PDE11A: variants seen among roughly 807,000 people sequenced by gnomAD.
PDE11A encodes phosphodiesterase 11A, also known as dual 3',5'-cyclic-AMP and -GMP phosphodiesterase 11A.
PDE11A carries 100 observed loss-of-function variants against 100.5 expected under a neutral mutation model. That is an observed-to-expected ratio of 1.00 (90% CI 0.85 to 1.18). The LOEUF (loss-of-function observed/expected upper bound fraction) is 1.18, where lower values mean the gene tolerates loss of function less well. PDE11A is among the 50% of genes most tolerant of loss of function. The pLI, the probability that PDE11A is intolerant of heterozygous loss-of-function variation, is 0.00. For missense variants in PDE11A, 1,141 were observed against 1,152.6 expected, an observed-to-expected ratio of 0.99 and a Z score of 0.15; for synonymous variants, 381 against 420.8, an observed-to-expected ratio of 0.91 and a Z score of 1.16.
At chr2:178,061,221 G>A (rs753772938) in intron 1 of PDE11A, among the ~76,000 whole-genome samples, 4 of 152,070 alleles carry the variant, frequency 2.6e-5, no homozygotes, top group Non-Finnish European at 5.9e-5. Context: ...TATATCAGTT[G>A]TGGTTGGCAG....
At chr2:177,867,853 G>C (rs1348205702) in intron 5 of PDE11A, among the ~76,000 whole-genome samples, 3 of 152,206 alleles carry the variant, frequency 2.0e-5, no homozygotes, top group Non-Finnish European at 4.4e-5. Context: ...GTTTATTCCT[G>C]ACTGTATCAT....
At chr2:177,971,696 A>G (rs10497478) in intron 2 of PDE11A, among the ~76,000 whole-genome samples, 9,551 of 152,214 alleles carry the variant, frequency 0.063, 313 homozygotes, top group South Asian at 0.094. Context: ...GCTGATATTT[A>G]TAATAAGTCC....
At chr2:178,104,989 A>C (rs1385903973) in intron 1 of PDE11A, among the ~76,000 whole-genome samples, 1 of 152,244 alleles carries the variant, frequency 6.6e-6, no homozygotes. Context: ...ACAGAAAAGA[A>C]TGCAGCCATA....
rs545720387 is a variant in PDE11A at position 178,058,583 on chromosome 2, G to A, written c.912+12943C>T. On this transcript the variant is annotated intron_variant, in intron 1 of 19. Transcript: ENST00000286063. ...TAAGCCTCTTTTTCTTCCCAGTCTCGGGTATGTCTTTATCAGCAGCATGAG... is the reference window on the plus strand; with the variant it reads ...TAAGCCTCTTTTTCTTCCCAGTCTCAGGTATGTCTTTATCAGCAGCATGAG... 7.0e-4 allele frequency among the ~76,000 whole-genome samples: 106 copies of A among 152,170 alleles called. No homozygotes were observed. The Middle Eastern group carries it at 0.01, about 15-fold the overall frequency.
intron 16 of PDE11A, chr2:177,677,815 T>G (rs994625860): frequency 2.6e-5 from 4 of 151,256 alleles, no homozygotes; most frequent in African/African-American, 9.7e-5. Context: ...AGGGAGAGAG[T>G]TTTTACTAAC....
chr2:177,980,072 C>G (rs756517354), intron 2 of PDE11A, among the ~76,000 whole-genome samples: 2 of 150,316 alleles, frequency 1.3e-5, no homozygotes, highest in African/African-American at 2.4e-5. Flanking sequence ...AACTCCTCCC[C>G]TGACTGCCAT....
At chr2:177,822,889 C>T (rs2083162083) in intron 6 of PDE11A, among the ~76,000 whole-genome samples, 1 of 152,062 alleles carries the variant, frequency 6.6e-6, no homozygotes, top group Non-Finnish European at 1.5e-5. Flanking sequence ...GTAATTGGTA[C>T]ATAAAAATAC....
intron 9 of PDE11A, among the ~76,000 whole-genome samples, chr2:177,790,756 C>A (rs529172169): frequency 1.3e-5 from 2 of 151,982 alleles, no homozygotes; most frequent in East Asian, 3.9e-4. Flanking sequence ...TCTCAAAAGA[C>A]ATTTATGCAG....
At chr2:177,645,399 G>C (rs1038642500) in intron 19 of PDE11A, among the ~76,000 whole-genome samples, 4 of 152,130 alleles carry the variant, frequency 2.6e-5, no homozygotes, top group East Asian at 3.9e-4. Context: ...GTTTCACCAC[G>C]TTGGCCAGGC....
intron 2 of PDE11A, among the ~76,000 whole-genome samples, chr2:178,000,738 T>C (rs1270674551): frequency 6.6e-6 from 1 of 152,194 alleles, no homozygotes; most frequent in Non-Finnish European, 1.5e-5. Flanking sequence ...AAAGCTCAAG[T>C]GTGGTTACAA....
intron 2 of PDE11A, among the ~76,000 whole-genome samples, chr2:178,006,823 A>AG (rs3067362): frequency 1.7e-4 from 25 of 149,992 alleles, no homozygotes; most frequent in African/African-American, 5.2e-4. Context: ...TGTCAAAACA[A>AG]GGGGGGGGGG....
chr2:177,926,956 A>T (rs1230840286), intron 2 of PDE11A: 25 of 151,906 alleles, frequency 1.6e-4, no homozygotes, highest in Admixed American at 1.6e-3. Context: ...CCCTGCTGAG[A>T]TCTCCTCTTC....
chr2:177,932,888 G>A (rs139596132), intron 2 of PDE11A, among the ~76,000 whole-genome samples: 58 of 151,076 alleles, frequency 3.8e-4, no homozygotes, highest in African/African-American at 1.2e-3. Flanking sequence ...ATCTCTTTTC[G>A]CTAATGATAT....
At position 177,785,455 on chromosome 2, in the gene PDE11A, C is replaced by T. The variant is rs377729810; in HGVS notation, c.1738-16082G>A. On this transcript the variant is annotated intron_variant, in intron 9 of 19. Coordinates refer to ENST00000286063, the MANE Select transcript of PDE11A (RefSeq NM_016953.4). ...TCCAGTCTACAGCTCCCAGCATGAG[C>T]GACGCAGAAGACGGGTGATTTCTGC... Among the ~76,000 whole-genome samples the T allele has an allele frequency of 3.3e-3, 509 of 152,288 alleles. 5 individuals carry two copies. The East Asian group carries it at 0.046, about 14-fold the overall frequency.
chr2:177,967,340 G>A (rs1024259366), intron 2 of PDE11A, among the ~76,000 whole-genome samples: 49 of 151,422 alleles, frequency 3.2e-4, no homozygotes, highest in Middle Eastern at 6.8e-3. Context: ...GGGATTACAA[G>A]CATGTACCAC....
At chr2:177,817,574 A>G (rs925787195) in intron 8 of PDE11A, among the ~76,000 whole-genome samples, 5 of 152,210 alleles carry the variant, frequency 3.3e-5, no homozygotes, top group Admixed American at 2.6e-4. Context: ...GAACACACAC[A>G]AACAAGACAA....
chr2:177,988,029 C>T (rs553215994), intron 2 of PDE11A, among the ~76,000 whole-genome samples: 1 of 152,328 alleles, frequency 6.6e-6, no homozygotes, highest in African/African-American at 2.4e-5. Flanking sequence ...ACCATTGCCA[C>T]ACACAAAATC....
chr2:177,955,424 G>A (rs2085549498), intron 2 of PDE11A, among the ~76,000 whole-genome samples: 1 of 152,200 alleles, frequency 6.6e-6, no homozygotes, highest in African/African-American at 2.4e-5. Context: ...GGTCATGAGT[G>A]ATAAAAGATG....
chr2:177,750,304 C>G (rs2082008670), intron 10 of PDE11A, among the ~76,000 whole-genome samples: 1 of 152,144 alleles, frequency 6.6e-6, no homozygotes, highest in South Asian at 2.1e-4. Context: ...GGTGGAAATA[C>G]TGACAATAAA....
Sources: gnomAD v4.1 joint callset for allele counts (sites outside exome capture counted in the v4.1 genomes callset) on GRCh38, gnomAD v4.1.1 for gene constraint, MANE v1.5 for transcripts, NCBI Gene and HGNC (gene_info 2026-07-23, HGNC 2026-07-21) for gene names.